Variants in RALY observed in about 807,000 individuals in gnomAD.
RALY encodes RNA-binding protein Raly.
In RALY, 15 loss-of-function variants were observed where a neutral mutation model predicts 30.7. That is an observed-to-expected ratio of 0.49 (90% confidence interval 0.33 to 0.75). The LOEUF is 0.75. Ranked by LOEUF, RALY falls within the 30% of genes least tolerant of loss-of-function variation. The probability of loss-of-function intolerance (pLI) is 0.02; values close to 1 mark genes in which losing one functional copy is unlikely to be tolerated. For missense variants in RALY, 339 were observed against 414.3 expected, an observed-to-expected ratio of 0.82 and a Z score of 1.58; for synonymous variants, 177 against 170.8, an observed-to-expected ratio of 1.04 and a Z score of -0.28.
At chr20:34,033,749 C>T (rs1001151551) in intron 2 of RALY, among the ~76,000 whole-genome samples, 1 of 152,178 alleles carries the variant, frequency 6.6e-6, no homozygotes, top group African/African-American at 2.4e-5. Context: ...AGTCCACCAT[C>T]CAAAATATAG....
At chr20:34,012,833 T>G (rs754705005) in intron 1 of RALY, among the ~76,000 whole-genome samples, 2 of 152,238 alleles carry the variant, frequency 1.3e-5, no homozygotes, top group Non-Finnish European at 1.5e-5. Context: ...ACCCACTGTT[T>G]CCCTGTGTTT....
At chr20:34,037,544 A>G (rs566571495) in intron 2 of RALY, among the ~76,000 whole-genome samples, 1 of 152,348 alleles carries the variant, frequency 6.6e-6, no homozygotes, top group African/African-American at 2.4e-5. Flanking sequence ...TGCCATAGGT[A>G]ACATTGAGAT....
chr20:34,021,215 A>T (rs1354609421), intron 1 of RALY, among the ~76,000 whole-genome samples: 1 of 151,902 alleles, frequency 6.6e-6, no homozygotes, highest in Admixed American at 6.6e-5. Flanking sequence ...ACCTGCCTGG[A>T]CCTCCCAAAG....
At chr20:34,021,584 C>G (rs1601424132) in intron 1 of RALY, among the ~76,000 whole-genome samples, 1 of 152,116 alleles carries the variant, frequency 6.6e-6, no homozygotes. Flanking sequence ...CTCAGAGTCC[C>G]CTGTCTCAAC....
intron 2 of RALY, among the ~76,000 whole-genome samples, chr20:34,036,671 T>A (rs2032507803): frequency 6.6e-6 from 1 of 152,218 alleles, no homozygotes; most frequent in South Asian, 2.1e-4. Context: ...GGGCTTGTCT[T>A]TGTTGGAAGA....
intron 4 of RALY, 48 bp downstream of exon 4, chr20:34,073,683 T>A: frequency 6.5e-7 from 1 of 1,543,746 alleles, no homozygotes; most frequent in Non-Finnish European, 9.0e-7. Context: ...ACTCTCTCTT[T>A]CCACAGAGGG....
chr20:34,060,229 A>G (rs565012117), intron 2 of RALY, among the ~76,000 whole-genome samples: 26 of 152,296 alleles, frequency 1.7e-4, no homozygotes, highest in African/African-American at 5.8e-4. Context: ...AAGTTATTGC[A>G]GGTTCCAACA....
intron 2 of RALY, among the ~76,000 whole-genome samples, chr20:34,047,848 C>G (rs2032936783): frequency 6.6e-6 from 1 of 152,122 alleles, no homozygotes; most frequent in Non-Finnish European, 1.5e-5. Context: ...GCCAGTATCC[C>G]TAGGAGATAG....
At position 34,072,339 on chromosome 20, in the gene RALY, C is replaced by G; in HGVS notation, c.256+9C>G. On this transcript the variant is annotated intron_variant, in intron 3 of 9. Coordinates refer to ENST00000246194, the MANE Select transcript of RALY (RefSeq NM_016732.3). ...GGCCGGGCAGACCCTGGGTAAGCCT[C>G]TCTTCACTATATTCTCCTAGTATTC... is the stretch of plus-strand genomic sequence containing the variant. 6.2e-7 allele frequency: 1 copy of G among 1,608,886 alleles called. No homozygotes were observed. The highest frequency in any genetic ancestry group is 8.5e-7 in the Non-Finnish European group (1 of 1,179,196).
At chr20:34,028,519 A>C (rs1319848946) in intron 1 of RALY, among the ~76,000 whole-genome samples, 2 of 151,358 alleles carry the variant, frequency 1.3e-5, no homozygotes, top group African/African-American at 4.9e-5. Context: ...CCTGGCTAAC[A>C]CGGTGAAACC....
chr20:34,016,929 C>T (rs559745400), intron 1 of RALY, among the ~76,000 whole-genome samples: 1 of 152,362 alleles, frequency 6.6e-6, no homozygotes, highest in South Asian at 2.1e-4. Flanking sequence ...GCCTGGGGAG[C>T]CTGGGAGGAG....
chr20:34,057,641 TG>T (rs2033288831), intron 2 of RALY, among the ~76,000 whole-genome samples: 1 of 127,508 alleles, frequency 7.8e-6, no homozygotes, highest in South Asian at 2.6e-4. Flanking sequence ...CACTCCAGCC[TG>T]GGCGACAGAG....
In RALY at chr20:34,077,066, G is replaced by A. The variant is rs202083385; in HGVS notation, c.697G>A (p.Gly233Ser). The change falls in exon 8 of 10, where the codon GGC becomes AGC. Residue 233 changes from glycine to serine, a missense_variant. Gly to Ser is a moderately conservative substitution (Grantham distance 56, BLOSUM62 0). Coordinates refer to ENST00000246194, the MANE Select transcript of RALY (RefSeq NM_016732.3). ...KKGDGGGAGG[G>S]GGGGGSGGGG... ...GGGTGATGGAGGTGGCGCCGGCGGC[G>A]GCGGCGGTGGTGGTGGCAGCGGTGG... is the stretch of plus-strand genomic sequence containing the variant. The A allele has an allele frequency of 5.4e-3, 8,702 of 1,601,612 alleles. 60 individuals carry two copies. The highest frequency in any genetic ancestry group is 0.016 in the South Asian group (1,403 of 88,026).
At chr20:34,076,098 A>G (rs1004834632) in intron 6 of RALY, 58 bp downstream of exon 6, 2 of 1,555,804 alleles carry the variant, frequency 1.3e-6, no homozygotes, top group African/African-American at 1.4e-5. Flanking sequence ...GCAAAATAAT[A>G]GAATCACATT....
At chr20:34,035,152 C>CAAA (rs61301033) in intron 2 of RALY, among the ~76,000 whole-genome samples, 398 of 32,532 alleles carry the variant, frequency 0.012, 94 homozygotes, top group East Asian at 0.03. Context: ...GACTCCATCT[C>CAAA]AAAAAAAAAA....
intron 2 of RALY, among the ~76,000 whole-genome samples, chr20:34,035,152 C>CAAAAAAAAAAAAAAAAAAAAAA (rs61301033): frequency 3.1e-5 from 1 of 32,512 alleles, no homozygotes; most frequent in African/African-American, 5.9e-5. Context: ...GACTCCATCT[C>CAAAAAAAAAAAAAAAAAAAAAA]AAAAAAAAAA....
At chr20:33,997,098 T>C (rs751327032) in intron 1 of RALY, among the ~76,000 whole-genome samples, 13 of 152,086 alleles carry the variant, frequency 8.5e-5, no homozygotes, top group Admixed American at 2.0e-4. Context: ...GGCCCCCCAG[T>C]ATCTGCAGAA....
At chr20:34,076,981 C>G (rs746633240) in intron 7 of RALY, 47 bp from the exon 8 acceptor site, 18 of 1,609,520 alleles carry the variant, frequency 1.1e-5, no homozygotes, top group Non-Finnish European at 1.4e-5. Flanking sequence ...TAGACAGCTA[C>G]CCCAGGCTGA....
At chr20:34,023,100 C>A (rs1356593146) in intron 1 of RALY, among the ~76,000 whole-genome samples, 2 of 152,176 alleles carry the variant, frequency 1.3e-5, no homozygotes, top group East Asian at 3.8e-4. Flanking sequence ...TACAGACAAA[C>A]TTTTGGCCCT....
Sources: gnomAD v4.1 joint callset for allele counts (sites outside exome capture counted in the v4.1 genomes callset) on GRCh38, gnomAD v4.1.1 for gene constraint, MANE v1.5 for transcripts, NCBI Gene and HGNC (gene_info 2026-07-23, HGNC 2026-07-21) for gene names.